SLC2A5: variants seen among roughly 807,000 people sequenced by gnomAD.
The protein encoded by SLC2A5 is solute carrier family 2 member 5.
SLC2A5 carries 56 observed loss-of-function variants against 50.3 expected under a neutral mutation model. The ratio of observed to expected loss-of-function variants is 1.11; its 90% confidence interval spans 0.90 to 1.39. The LOEUF is 1.39. SLC2A5 is among the 40% of genes most tolerant of loss of function. The pLI, the probability that SLC2A5 is intolerant of heterozygous loss-of-function variation, is 0.00. For missense variants in SLC2A5, 566 were observed against 650.1 expected (o/e 0.87, Z 1.41); for synonymous variants, 269 against 281.9 (o/e 0.95, Z 0.46).
At chr1:9,039,711 G>C (rs1294748481) in intron 7 of SLC2A5, 49 bp from the exon 8 acceptor site, 28 of 1,453,988 alleles carry the variant, frequency 1.9e-5, no homozygotes, top group Non-Finnish European at 2.5e-5. Context: ...AGGCGGCCTC[G>C]GCGCCAGGAC....
At chr1:9,045,605 C>T (rs113048844) in intron 4 of SLC2A5, among the ~76,000 whole-genome samples, 2,121 of 151,882 alleles carry the variant, frequency 0.014, 50 homozygotes, top group African/African-American at 0.048. Flanking sequence ...TGGCAGAGAC[C>T]GGCCGGGCAT....
chr1:9,057,351 T>A (rs1386790642), intron 3 of SLC2A5, 97 bp downstream of exon 3: 2 of 678,080 alleles, frequency 2.9e-6, no homozygotes, highest in Non-Finnish European at 4.7e-6. Context: ...GTGGTTATTA[T>A]CTTAGTCTCA....
chr1:9,093,469 T>G (rs1231769455), upstream of SLC2A5, among the ~76,000 whole-genome samples: 1 of 151,948 alleles, frequency 6.6e-6, no homozygotes, highest in Non-Finnish European at 1.5e-5. Context: ...TGTCTCTTTG[T>G]CTCCCAAACT....
At chr1:9,050,277 CAA>C (rs34430168) in intron 3 of SLC2A5, among the ~76,000 whole-genome samples, 4 of 139,686 alleles carry the variant, frequency 2.9e-5, no homozygotes, top group Admixed American at 7.3e-5. Context: ...GACTCTGTCT[CAA>C]AAAAAAAAAA....
At chr1:9,047,178 G>A (rs1293085916) in intron 4 of SLC2A5, among the ~76,000 whole-genome samples, 1 of 152,142 alleles carries the variant, frequency 6.6e-6, no homozygotes, top group African/African-American at 2.4e-5. Flanking sequence ...GTTTCACTGT[G>A]TTGCCCAGGC....
intron 3 of SLC2A5, among the ~76,000 whole-genome samples, chr1:9,048,738 C>T (rs977818099): frequency 1.3e-5 from 2 of 151,958 alleles, no homozygotes; most frequent in Non-Finnish European, 2.9e-5. Context: ...TCACTGTAAC[C>T]TCGGTCTGCC....
chr1:9,077,794 G>A (rs760297565), intron 2 of SLC2A5, among the ~76,000 whole-genome samples: 3 of 122,590 alleles, frequency 2.4e-5, no homozygotes, highest in Non-Finnish European at 5.0e-5. Context: ...GGGGAAGAAG[G>A]AAGGAAGGAA....
chr1:9,075,644 A>G (rs2124470167), intron 2 of SLC2A5, among the ~76,000 whole-genome samples: 1 of 152,224 alleles, frequency 6.6e-6, no homozygotes, highest in South Asian at 2.1e-4. Context: ...TTAATTGATT[A>G]TAGCCTGCAT....
upstream of SLC2A5, chr1:9,069,749 A>C: frequency 8.4e-6 from 5 of 597,964 alleles, no homozygotes; most frequent in Non-Finnish European, 1.5e-5. Flanking sequence ...GGTTTGGCTA[A>C]GTAAGTGGGT....
intron 3 of SLC2A5, among the ~76,000 whole-genome samples, chr1:9,053,556 T>A (rs1179411788): frequency 8.7e-6 from 1 of 114,596 alleles, no homozygotes; most frequent in African/African-American, 3.3e-5. Context: ...TATATTTATA[T>A]ATATTATATA....
At position 9,040,260 on chromosome 1, in the gene SLC2A5, C is replaced by T; in HGVS notation, c.572-71G>A. On this transcript the variant is annotated intron_variant, in intron 5 of 11. Transcript: ENST00000377424. The surrounding 1 kb of genome is among the most constrained non-coding windows in gnomAD (Gnocchi z 4.3). ...CCGAAGGCGCCCTCTGCAGAGCCGG[C>T]CCCAGCCCCGTCATCCTGAGTGGGG... The T allele has an allele frequency of 6.6e-7, 1 of 1,505,414 alleles. No individual in the cohort carries two copies. The highest frequency in any genetic ancestry group is 8.8e-7 in the Non-Finnish European group (1 of 1,131,578). 93.3% of individuals were successfully genotyped at this position (1,505,414 alleles called of 1,614,324 possible). A position where few individuals can be genotyped will look rare whatever the true frequency, so the allele number is the denominator to read the frequency against.
intron 1 of SLC2A5, among the ~76,000 whole-genome samples, chr1:9,065,255 A>G (rs953051558): frequency 1.3e-5 from 2 of 151,992 alleles, no homozygotes; most frequent in African/African-American, 4.8e-5. Context: ...TGGCCCCAGT[A>G]CACTCTCTAC....
At position 9,057,438 on chromosome 1, in the gene SLC2A5, CT is replaced by C; in HGVS notation, c.293+9del. Reference sequence around the variant, plus strand: ...GAGTTTCAGGGAATTAAAAATTCACCTTCCCTTACCTGCCAAATTTATTCAC... The same window carrying C: ...GAGTTTCAGGGAATTAAAAATTCACCTCCCTTACCTGCCAAATTTATTCAC... On this transcript the variant is annotated intron_variant, in intron 3 of 11. Transcript: ENST00000377424. The C allele has an allele frequency of 6.3e-7, 1 of 1,597,408 alleles. No homozygotes were observed.
At chr1:9,093,117 A>G (rs1334899198), upstream of SLC2A5, among the ~76,000 whole-genome samples, 1 of 152,024 alleles carries the variant, frequency 6.6e-6, no homozygotes, top group African/African-American at 2.4e-5. Flanking sequence ...ACGCCGACAA[A>G]TACTTGCCAC....
rs1484296148 is a variant in SLC2A5, at chr1:9,037,693, T to C, written c.1399A>G (p.Thr467Ala). The C allele has an allele frequency of 2.5e-6, 4 of 1,614,140 alleles. No homozygotes were observed. The Admixed American group carries it at 5.0e-5, about 20-fold the overall frequency. Reference sequence around the variant, plus strand: ...AAAATCTGGTTGATCTCTATGAACGTCTTGGCCTTGGTCTCCGGGACAATC... The same window carrying C: ...AAAATCTGGTTGATCTCTATGAACGCCTTGGCCTTGGTCTCCGGGACAATC... ...FLIVPETKAK[T>A]FIEINQIFTK... The change falls in exon 12 of 12, where the codon ACG (threonine) becomes GCG (alanine). Residue 467 changes from threonine (T) to alanine (A), a missense_variant. Thr to Ala is a moderately conservative substitution (Grantham distance 58). Transcript: ENST00000377424.
At chr1:9,093,228 G>GT (rs1197910368), upstream of SLC2A5, among the ~76,000 whole-genome samples, 1 of 151,996 alleles carries the variant, frequency 6.6e-6, no homozygotes, top group African/African-American at 2.4e-5. Flanking sequence ...CACCTAAATG[G>GT]AAGGGACCTT....
At chr1:9,042,677 G>GGGCATGTGTATGTGTATGTATATATAT (rs1641336758) in intron 4 of SLC2A5, among the ~76,000 whole-genome samples, 1 of 150,744 alleles carries the variant, frequency 6.6e-6, no homozygotes, top group Non-Finnish European at 1.5e-5. Context: ...TGTGTGTATA[G>GGGCATGTGTATGTGTATGTATATATAT]GGCATGTGTA....
intron 1 of SLC2A5, among the ~76,000 whole-genome samples, chr1:9,069,034 C>T (rs77615008): frequency 0.016 from 2,384 of 152,292 alleles, 66 homozygotes; most frequent in African/African-American, 0.053. Context: ...AGGAAACCTA[C>T]GTGACAGATC....
intron 1 of SLC2A5, among the ~76,000 whole-genome samples, chr1:9,087,749 G>C (rs372097054): frequency 6.6e-6 from 1 of 152,038 alleles, no homozygotes; most frequent in African/African-American, 2.4e-5. Flanking sequence ...GCTACTCTCC[G>C]GTGGGCTCTC....
Sources: gnomAD v4.1 joint callset for allele counts (sites outside exome capture counted in the v4.1 genomes callset) on GRCh38, gnomAD v4.1.1 for gene constraint, Gnocchi (gnomAD v3.1) non-coding constraint, MANE v1.5 for transcripts, NCBI Gene and HGNC (gene_info 2026-07-23, HGNC 2026-07-21) for gene names.